Variants in DAB1 observed in about 807,000 individuals in gnomAD.
DAB1 encodes disabled homolog 1.
In DAB1, 15 loss-of-function variants were observed where a neutral mutation model predicts 64.6. The ratio of observed to expected loss-of-function variants is 0.23; its 90% CI spans 0.16 to 0.36. DAB1 has a LOEUF of 0.36. Among genes scored for constraint, DAB1 ranks in the 10% least tolerant of loss-of-function variants. DAB1 has a pLI of 1.00. For missense variants in DAB1, 596 were observed against 706.7 expected (o/e 0.84, Z 1.78); for synonymous variants, 235 against 251.9 (o/e 0.93, Z 0.64).
chr1:57,698,090 CTT>C (rs754182611), intron 6 of DAB1, among the ~76,000 whole-genome samples: 5 of 143,098 alleles, frequency 3.5e-5, no homozygotes, highest in African/African-American at 5.1e-5. Flanking sequence ...AACTTGTCCA[CTT>C]TTTTTTTTTT....
chr1:58,047,919 C>G (rs1647351796), intron 5 of DAB1: 1 of 385,718 alleles, frequency 2.6e-6, no homozygotes, highest in South Asian at 2.7e-5. Context: ...AAAAAAAAAT[C>G]TACATTAAAA....
chr1:58,127,994 A>G (rs1424521572), intron 5 of DAB1, among the ~76,000 whole-genome samples: 1 of 152,116 alleles, frequency 6.6e-6, no homozygotes, highest in Non-Finnish European at 1.5e-5. Context: ...AATTGTGTGA[A>G]GAAAGTCATT....
chr1:57,132,554 A>T (rs1376513728), intron 4 of DAB1, among the ~76,000 whole-genome samples: 2 of 152,194 alleles, frequency 1.3e-5, no homozygotes. Context: ...CATGATGCTC[A>T]AAGGAAATGC....
At chr1:58,473,550 AAATAAATAAATAAAT>A (rs1557431443) in intron 3 of DAB1, among the ~76,000 whole-genome samples, 9 of 108,190 alleles carry the variant, frequency 8.3e-5, no homozygotes, top group Admixed American at 5.1e-4. Context: ...TCAAAAAAAT[AAATAAATAAATAAAT>A]AAATAAATAA....
chr1:58,265,620 G>A (rs1164736139), intron 4 of DAB1, among the ~76,000 whole-genome samples: 1 of 151,884 alleles, frequency 6.6e-6, no homozygotes, highest in Non-Finnish European at 1.5e-5. Context: ...TTCTGTTTAT[G>A]GCAAAATCTG....
At chr1:57,278,614 A>G (rs1210674674) in intron 2 of DAB1, among the ~76,000 whole-genome samples, 3 of 152,190 alleles carry the variant, frequency 2.0e-5, no homozygotes, top group African/African-American at 7.2e-5. Flanking sequence ...TGGCAGTGCT[A>G]TCTGAGCTAT....
intron 4 of DAB1, among the ~76,000 whole-genome samples, chr1:58,286,941 G>T (rs1156501003): frequency 1.3e-5 from 2 of 152,156 alleles, no homozygotes; most frequent in Admixed American, 1.3e-4. Flanking sequence ...ATGATAGAAT[G>T]GATAAAGAAA....
At chr1:57,174,265 C>T (rs561277222) in intron 2 of DAB1, among the ~76,000 whole-genome samples, 1 of 152,120 alleles carries the variant, frequency 6.6e-6, no homozygotes, top group Non-Finnish European at 1.5e-5. Context: ...AATATCTGCT[C>T]TGGGCATTCC....
intron 3 of DAB1, among the ~76,000 whole-genome samples, chr1:58,463,822 T>G (rs1014908910): frequency 6.6e-6 from 1 of 152,242 alleles, no homozygotes; most frequent in African/African-American, 2.4e-5. Context: ...GTACATGTCC[T>G]TGTCATGTGT....
intron 3 of DAB1, among the ~76,000 whole-genome samples, chr1:58,357,928 T>G (rs560545837): frequency 5.3e-5 from 8 of 152,146 alleles, no homozygotes; most frequent in Non-Finnish European, 1.2e-4. Context: ...ATGAGACCAA[T>G]TAGGTGTCAG....
chr1:57,730,647 C>T (rs1298705693), intron 6 of DAB1, among the ~76,000 whole-genome samples: 2 of 152,192 alleles, frequency 1.3e-5, no homozygotes, highest in Non-Finnish European at 2.9e-5. Context: ...TTGATCTTTA[C>T]TTCTCACATG....
chr1:57,650,998 A>G (rs1354785336), intron 6 of DAB1, among the ~76,000 whole-genome samples: 2 of 152,160 alleles, frequency 1.3e-5, no homozygotes, highest in African/African-American at 4.8e-5. Context: ...GGAACAAAAG[A>G]ATTAATTAAT....
intron 1 of DAB1, among the ~76,000 whole-genome samples, chr1:57,422,506 C>CCACGCGGGCGCGCACCCCAGACT (rs1684997446): frequency 6.6e-6 from 1 of 152,188 alleles, no homozygotes; most frequent in African/African-American, 2.4e-5. Flanking sequence ...AGACACCGAC[C>CCACGCGGGCGCGCACCCCAGACT]CACGCGGGCG....
chr1:57,273,952 C>T (rs76420085), intron 2 of DAB1, among the ~76,000 whole-genome samples: 5,828 of 152,102 alleles, frequency 0.038, 361 homozygotes, highest in African/African-American at 0.13. Context: ...AAACCTCACC[C>T]TATTAATTTT....
intron 5 of DAB1, among the ~76,000 whole-genome samples, chr1:58,037,136 C>CA (rs2100494454): frequency 6.6e-6 from 1 of 152,282 alleles, no homozygotes; most frequent in African/African-American, 2.4e-5. Context: ...GTCTCTCCCC[C>CA]AAAGGCTAGC....
At chr1:57,238,546 C>T (rs754063400) in intron 2 of DAB1, among the ~76,000 whole-genome samples, 5 of 152,112 alleles carry the variant, frequency 3.3e-5, no homozygotes, top group African/African-American at 7.2e-5. Flanking sequence ...TGATGAAGCA[C>T]GAGCTTGATG....
intron 4 of DAB1, among the ~76,000 whole-genome samples, chr1:58,262,181 G>C (rs1385037731): frequency 6.6e-6 from 1 of 152,162 alleles, no homozygotes; most frequent in African/African-American, 2.4e-5. Flanking sequence ...ATCAGTTAAG[G>C]GACAGAAAAA....
intron 7 of DAB1, among the ~76,000 whole-genome samples, chr1:57,640,221 C>A (rs1369600208): frequency 2.0e-5 from 3 of 152,140 alleles, no homozygotes; most frequent in Non-Finnish European, 4.4e-5. Flanking sequence ...TGAAATAGAT[C>A]ATCTCTGAGG....
chr1:58,303,901 G>C (rs373898248), intron 4 of DAB1, among the ~76,000 whole-genome samples: 1 of 152,048 alleles, frequency 6.6e-6, no homozygotes, highest in Non-Finnish European at 1.5e-5. Context: ...CATATATTTG[G>C]TTTGTTTATT....
Sources: allele counts gnomAD v4.1 joint callset (sites outside exome capture counted in the v4.1 genomes callset), GRCh38; gene constraint gnomAD v4.1.1; transcripts MANE v1.5; gene names NCBI Gene and HGNC (gene_info 2026-07-23, HGNC 2026-07-21).